The following CFAP65 variants were observed in gnomAD, a reference collection of about 807,000 sequenced individuals.
CFAP65 encodes the protein cilia and flagella associated protein 65, also known as cilia- and flagella-associated protein 65.
A neutral mutation model predicts 208.0 loss-of-function variants in CFAP65; 155 were observed. The ratio of observed to expected loss-of-function variants is 0.75; its 90% confidence interval spans 0.65 to 0.85. The LOEUF is 0.85. CFAP65 is among the 40% of genes least tolerant of loss of function. CFAP65 has a pLI of 0.00. For missense variants in CFAP65, 2,294 were observed against 2,451.3 expected (o/e 0.94, Z 1.36); for synonymous variants, 970 against 986.3 (o/e 0.98, Z 0.31).
At chr2:219,008,511 G>A (rs761425359) in intron 29 of CFAP65, among the ~76,000 whole-genome samples, 35 of 152,132 alleles carry the variant, frequency 2.3e-4, no homozygotes, top group Non-Finnish European at 3.8e-4. Flanking sequence ...TTGGGAGGCC[G>A]AGGTGGTCAG....
chr2:219,003,303 G>C lies in CFAP65; in HGVS notation c.5556-31C>G, dbSNP rs1335725219. The C allele has an allele frequency of 1.3e-6, 2 of 1,491,682 alleles. No homozygotes were observed. Among genetic ancestry groups the C allele is most frequent in the East Asian group, 5.0e-5 (2 of 40,188 alleles). The allele number at this position is 1,491,682 out of a possible 1,614,324, so 92.4% of individuals were successfully genotyped here. On this transcript the variant is annotated intron_variant, in intron 33 of 34. Transcript: ENST00000341552. This position sits in a 1 kb window ranked among gnomAD's most constrained non-coding sequence, Gnocchi z 4.4. ...AGGGGGCGGGGGCTAGCATGAGGGC[G>C]GCCGCAGTGCCCGCGCGCCTCCTCG...
At chr2:219,027,306 C>T in intron 13 of CFAP65, 1 of 1,432,976 alleles carries the variant, frequency 7.0e-7, no homozygotes, top group East Asian at 2.5e-5. Flanking sequence ...AGAGTGACCA[C>T]TTCTTAATTC....
chr2:219,007,543 G>C (rs1946105178), intron 29 of CFAP65, among the ~76,000 whole-genome samples: 1 of 152,246 alleles, frequency 6.6e-6, no homozygotes, highest in East Asian at 1.9e-4. Context: ...AGTCTCTGGG[G>C]GTTCAGTGTG....
In CFAP65 at chr2:219,032,717, T is replaced by G; in HGVS notation, c.543-145A>C. ...CGATCAGGAGATGAGCACGTGGAGA[T>G]GGAAACTCAGGGGTTTGGTCACAAG... On this transcript the variant is annotated intron_variant, in intron 5 of 34. Coordinates refer to ENST00000341552, the MANE Select transcript of CFAP65 (RefSeq NM_194302.4). The surrounding 1 kb of genome is among the most constrained non-coding windows in gnomAD (Gnocchi z 5.5). The G allele has an allele frequency of 1.5e-6, 1 of 660,062 alleles. No individual in the cohort carries two copies. Among genetic ancestry groups the G allele is most frequent in the Non-Finnish European group, 2.6e-6 (1 of 389,800 alleles). The allele number at this position is 660,062 out of a possible 1,614,324, so 40.9% of individuals were successfully genotyped here. A position where few individuals can be genotyped will look rare whatever the true frequency, so the allele number is the denominator to read the frequency against.
Position 219,031,374 on chromosome 2 carries a change from G to C in CFAP65, c.816-69C>G. ...GCTCCTGCAGTAGCAAGTCAGGGAT[G>C]CTGGGCAGAACCTCAGACTACCCTA... On this transcript the variant is annotated intron_variant, in intron 7 of 34. Coordinates refer to ENST00000341552, the MANE Select transcript of CFAP65 (RefSeq NM_194302.4). The surrounding 1 kb of genome is among the most constrained non-coding windows in gnomAD (Gnocchi z 5.2). The C allele has an allele frequency of 6.2e-7, 1 of 1,604,534 alleles. No homozygotes were observed.
chr2:219,031,389 A>G lies in CFAP65; in HGVS notation c.816-84T>C. 6.2e-7 allele frequency: 1 copy of G among 1,605,086 alleles called. No individual in the cohort carries two copies. The stretch of plus-strand genomic sequence containing the variant: ...AGTCAGGGATGCTGGGCAGAACCTC[A>G]GACTACCCTACCCCGACAAGGGTAT... On this transcript the variant is annotated intron_variant, in intron 7 of 34. Coordinates refer to ENST00000341552, the MANE Select transcript of CFAP65 (RefSeq NM_194302.4). The surrounding 1 kb of genome is among the most constrained non-coding windows in gnomAD (Gnocchi z 5.2).
intron 30 of CFAP65, 63 bp downstream of exon 30, chr2:219,006,402 G>A (rs1447902540): frequency 1.2e-5 from 19 of 1,593,126 alleles, no homozygotes; most frequent in Non-Finnish European, 1.5e-5. Context: ...AGGTCTCTCT[G>A]GGAGCAAGCA....
rs143322258 is a variant in CFAP65 at position 219,010,635 on chromosome 2, G to A, written c.4219C>T (p.Pro1407Ser). 2 of 1,611,912 alleles carry A rather than the reference G, an allele frequency of 1.2e-6. No individual in the cohort carries two copies. Among genetic ancestry groups the A allele is most frequent in the Non-Finnish European group, 1.7e-6 (2 of 1,179,566 alleles). The change falls in exon 26 of 35, where the codon CCC becomes TCC. Residue 1407 changes from proline to serine, a missense_variant. Physicochemically the swap from Pro to Ser is moderately conservative, Grantham distance 74 (BLOSUM62 -1). Coordinates refer to ENST00000341552, the MANE Select transcript of CFAP65 (RefSeq NM_194302.4). ...LIHFQGVGYN[P>S]HMMGDTAPFH... ...GGGGCTGTGTCCCCCATCATATGGG[G>A]GTTGTAGCCCACTCCCTGGAAGTGG... is the stretch of plus-strand genomic sequence containing the variant.
Position 219,027,715 on chromosome 2 carries a change from G to T in CFAP65, c.2146C>A (p.His716Asn). Residue 716 changes from histidine (H) to asparagine (N), a missense_variant, in exon 13 of 35, where the codon CAC becomes AAC. Physicochemically the swap from His to Asn is moderately conservative, Grantham distance 68. Transcript: ENST00000341552. Reference protein sequence around the residue: ...PPLKSMAMRLHFQPPHPNCLY... With the variant: ...PPLKSMAMRLNFQPPHPNCLY... ...CAGTTGGGGTGAGGCGGCTGGAAGT[G>T]CAGGCGCATGGCCATGGACTTGAGT... The T allele has an allele frequency of 1.2e-6, 2 of 1,614,100 alleles. No homozygotes were observed. Among genetic ancestry groups the T allele is most frequent in the South Asian group, 2.2e-5 (2 of 91,088 alleles).
In CFAP65 at chr2:219,019,512, C is replaced by T. The variant is rs555153852; in HGVS notation, c.3467G>A (p.Arg1156Gln). 9.9e-6 allele frequency: 16 copies of T among 1,611,790 alleles called. No individual in the cohort carries two copies. In the Admixed American group the frequency reaches 1.2e-4, roughly 12 times the overall value. Residue 1156 changes from arginine (R) to glutamine (Q), a missense_variant, in exon 20 of 35, where the codon CGG (arginine) becomes CAG (glutamine). Physicochemically the swap from Arg to Gln is conservative, Grantham distance 43. Transcript: ENST00000341552. Reference protein sequence around the residue: ...PCELTYKVPTRHSMSQIPPVL... With the variant: ...PCELTYKVPTQHSMSQIPPVL... ...CACTCCAGGCTCAGCTCACCTGTGC[C>T]GGGTGGGCACCTTGTAGGTGAGCTC...
chr2:219,023,631 A>C (rs1947420468), intron 15 of CFAP65, among the ~76,000 whole-genome samples, 200 bp from the exon 16 acceptor site: 1 of 152,248 alleles, frequency 6.6e-6, no homozygotes, highest in Non-Finnish European at 1.5e-5. Flanking sequence ...TCTTGAAAAG[A>C]ACTCAGGGAC....
At chr2:219,011,272 T>TTC (rs1490511981) in intron 24 of CFAP65, among the ~76,000 whole-genome samples, 1 of 119,558 alleles carries the variant, frequency 8.4e-6, no homozygotes, top group African/African-American at 4.1e-5. Context: ...TTTTCTTTCT[T>TTC]TTTTTTTTTT....
At chr2:219,017,348 A>G (rs1033850732) in intron 21 of CFAP65, among the ~76,000 whole-genome samples, 7 of 152,282 alleles carry the variant, frequency 4.6e-5, no homozygotes, top group South Asian at 2.1e-4. Flanking sequence ...GGGCAGCTGC[A>G]TGGTTCCCTG....
rs1946364508 is a variant in CFAP65, at chr2:219,010,085, T to C, written c.4309A>G (p.Asn1437Asp). The C allele has an allele frequency of 1.9e-6, 3 of 1,590,670 alleles. No individual in the cohort carries two copies. The highest frequency in any genetic ancestry group is 1.7e-4 in the Middle Eastern group (1 of 5,962). ...IHSRLVVPGQ[N>D]VFLSQSHISL... ...ATATGAGACTGGGACAGGAAGACAT[T>C]CTGTGGGTGGAGAGCGGAGGTAAAG... The change falls in exon 27 of 35, where the codon AAT (asparagine) becomes GAT (aspartate). Residue 1437 changes from asparagine to aspartate, a missense_variant and splice_region_variant. This residue lies in a region of CFAP65 where 1,427 missense variants were observed against 1,438.7 expected (regional missense o/e 0.99). Coordinates refer to ENST00000341552, the MANE Select transcript of CFAP65 (RefSeq NM_194302.4).
intron 19 of CFAP65, among the ~76,000 whole-genome samples, chr2:219,020,916 CAAT>C (rs1237067323): frequency 6.6e-6 from 1 of 152,174 alleles, no homozygotes; most frequent in Non-Finnish European, 1.5e-5. Context: ...TAAGATTTCA[CAAT>C]AAGTCAGCAC....
Position 219,006,185 on chromosome 2 carries a change from C to T in CFAP65, c.4758G>A (p.Arg1586=), listed in dbSNP as rs1249160489. The change falls in exon 31 of 35, where the codon CGG becomes CGA. Residue 1586 remains arginine (R), a synonymous_variant. Coordinates refer to ENST00000341552, the MANE Select transcript of CFAP65 (RefSeq NM_194302.4). ...GGGTCTGCAGTTTCCAGCTGGCAGG[C>T]CGGCTGACAGACTGCTGGTTCTTGA... ...PPIKNQQSVS[R]PASWKLQTPK... is the part of the protein sequence containing the mutation. The T allele has an allele frequency of 5.6e-6, 9 of 1,610,786 alleles. No individual in the cohort carries two copies. Among genetic ancestry groups the T allele is most frequent in the Non-Finnish European group, 7.6e-6 (9 of 1,177,734 alleles).
rs781771142 is a variant in CFAP65 at position 219,031,471 on chromosome 2, C to T, written c.815+18G>A. The stretch of plus-strand genomic sequence containing the variant: ...CACAGCTCTTGCTCTCCCCGCCGCA[C>T]CTCAGCCTCTTCCTCACCCCACATT... On this transcript the variant is annotated intron_variant, in intron 7 of 34. Transcript: ENST00000341552. The surrounding 1 kb of genome is among the most constrained non-coding windows in gnomAD (Gnocchi z 5.2). 112 of 1,614,084 alleles carry T rather than the reference C, an allele frequency of 6.9e-5. No individual in the cohort carries two copies. The highest frequency in any genetic ancestry group is 9.4e-5 in the Non-Finnish European group (111 of 1,180,036).
Position 219,019,560 on chromosome 2 carries a change from A to G in CFAP65, c.3419T>C (p.Leu1140Ser), listed in dbSNP as rs1176698365. 1 of 1,613,632 alleles carries G rather than the reference A, an allele frequency of 6.2e-7. No individual in the cohort carries two copies. The highest frequency in any genetic ancestry group is 8.5e-7 in the Non-Finnish European group (1 of 1,180,022). Residue 1140 changes from leucine (L) to serine (S), a missense_variant, in exon 20 of 35, where the codon TTG (leucine) becomes TCG (serine). Leu to Ser is a moderately radical substitution (Grantham distance 145, BLOSUM62 -2). Around this residue, in one of 2 missense-constraint regions of CFAP65, gnomAD observed 1,427 missense variants for 1,438.7 expected, o/e 0.99. Coordinates refer to ENST00000341552, the MANE Select transcript of CFAP65 (RefSeq NM_194302.4). ...LFSLDLLNSY[L>S]ERDPTPCELT... The stretch of plus-strand genomic sequence containing the variant: ...CTCACAGGGGGTGGGGTCACGCTCC[A>G]AGTAACTGTTAAGCAGGTCCAGAGA...
At position 219,032,599 on chromosome 2, in the gene CFAP65, C is replaced by T. The variant is rs1461175654; in HGVS notation, c.543-27G>A. 1.9e-6 allele frequency: 3 copies of T among 1,561,150 alleles called. No homozygotes were observed. The highest frequency in any genetic ancestry group is 1.9e-5 in the Admixed American group (1 of 52,892). On this transcript the variant is annotated intron_variant, in intron 5 of 34. Transcript: ENST00000341552. This position sits in a 1 kb window ranked among gnomAD's most constrained non-coding sequence, Gnocchi z 5.5. Reference sequence around the variant, plus strand: ...TGCAGGAGAGAGCCGGTGGGGAGCACCTCAGATCAGGGCTCAGAACAACTG... The same window carrying T: ...TGCAGGAGAGAGCCGGTGGGGAGCATCTCAGATCAGGGCTCAGAACAACTG...
Sources: allele counts gnomAD v4.1 joint callset (sites outside exome capture counted in the v4.1 genomes callset), GRCh38; gene constraint gnomAD v4.1.1; regional missense constraint gnomAD v4.1.1; non-coding constraint Gnocchi (gnomAD v3.1); transcripts MANE v1.5; gene names NCBI Gene and HGNC (gene_info 2026-07-23, HGNC 2026-07-21).